The following RSRP1 variants were observed in gnomAD, a reference collection of about 807,000 sequenced individuals.
RSRP1 encodes arginine and serine rich protein 1, also known as arginine/serine-rich protein 1.
A neutral mutation model predicts 33.0 loss-of-function variants in RSRP1; 37 were observed. That is an observed-to-expected ratio of 1.12 (90% CI 0.86 to 1.48). The LOEUF is 1.48. Among genes scored for constraint, RSRP1 ranks in the 40% most tolerant of loss-of-function variants. The pLI is 0.00. For missense variants in RSRP1, 402 were observed against 385.3 expected (o/e 1.04, Z -0.36); for synonymous variants, 167 against 158.7 (o/e 1.05, Z -0.40).
chr1:25,315,105 GAGATCACGCCAC>G (rs1644368110), intron 1 of RSRP1, among the ~76,000 whole-genome samples: 1 of 128,692 alleles, frequency 7.8e-6, no homozygotes, highest in South Asian at 2.4e-4. Flanking sequence ...TCGGGAGGCT[GAGATCACGCCAC>G]TGCACTCCAG....
At chr1:25,260,392 G>T (rs1224788474) in intron 1 of RSRP1, among the ~76,000 whole-genome samples, 1 of 152,106 alleles carries the variant, frequency 6.6e-6, no homozygotes, top group Non-Finnish European at 1.5e-5. Context: ...GCACGAAAGA[G>T]AACCAATCTA....
chr1:25,263,449 C>T (rs1341638128), intron 1 of RSRP1, among the ~76,000 whole-genome samples: 1 of 151,832 alleles, frequency 6.6e-6, no homozygotes, highest in Non-Finnish European at 1.5e-5. Flanking sequence ...TCACGTCTTA[C>T]GTGGATGGCA....
At chr1:25,315,500 T>C (rs1271757711) in intron 1 of RSRP1, among the ~76,000 whole-genome samples, 1 of 121,732 alleles carries the variant, frequency 8.2e-6, no homozygotes, top group East Asian at 2.0e-4. Flanking sequence ...TTTCTTTCTT[T>C]CTTTTTTTTT....
At chr1:25,254,439 G>GTTTTGTTTTGTT (rs1292245705) in intron 1 of RSRP1, among the ~76,000 whole-genome samples, 1 of 151,742 alleles carries the variant, frequency 6.6e-6, no homozygotes, top group African/African-American at 2.4e-5. Context: ...ATAGGTTTTT[G>GTTTTGTTTTGTT]TTTTGTTTTG....
chr1:25,244,393 T>G, intron 3 of RSRP1: 1 of 1,289,392 alleles, frequency 7.8e-7, no homozygotes, highest in South Asian at 1.2e-5. Flanking sequence ...AACTAAGTTT[T>G]CAGTGTGTGA....
In RSRP1 at chr1:25,278,954, G is replaced by A. The variant is rs1641244061; in HGVS notation, c.-66-31925C>T. Among the ~76,000 whole-genome samples, 2 of 129,384 alleles carry A rather than the reference G, an allele frequency of 1.5e-5. 1 individual carries two copies. Among genetic ancestry groups the A allele is most frequent in the South Asian group, 4.8e-4 (2 of 4,182 alleles). 84.9% of individuals were successfully genotyped at this position (129,384 alleles called of 152,430 possible). A position where few individuals can be genotyped will look rare whatever the true frequency, so the allele number is the denominator to read the frequency against. ...GGCAGCAGTGGGAGCACAGGGTGGAGGTCAACCCTAGAGCCTGGGAGAGTG... is the reference window on the plus strand; with the variant it reads ...GGCAGCAGTGGGAGCACAGGGTGGAAGTCAACCCTAGAGCCTGGGAGAGTG... On this transcript the variant is annotated intron_variant, in intron 1 of 1. Coordinates refer to the RSRP1 transcript ENST00000561867.
chr1:25,291,952 C>T lies in RSRP1; in HGVS notation c.-66-44923G>A, dbSNP rs555007779. Among the ~76,000 whole-genome samples the T allele has an allele frequency of 3.0e-5, 4 of 132,310 alleles. 1 individual carries two copies. Among genetic ancestry groups the T allele is most frequent in the African/African-American group, 7.7e-5 (3 of 38,858 alleles). The allele number at this position is 132,310 out of a possible 152,430, so 86.8% of individuals were successfully genotyped here. A position where few individuals can be genotyped will look rare whatever the true frequency, so the allele number is the denominator to read the frequency against. On this transcript the variant is annotated intron_variant, in intron 1 of 1. Transcript: ENST00000561867. The stretch of plus-strand genomic sequence containing the variant: ...TAGCAAGATAGTGGCAGAACCCAAG[C>T]GAGAACCCACAGTTCCAGCCTGGCT...
At position 25,307,155 on chromosome 1, in the gene RSRP1, TC is replaced by T. The variant is rs1407887551; in HGVS notation, c.-67+30822del. On this transcript the variant is annotated intron_variant, in intron 1 of 1. Transcript: ENST00000561867. The stretch of plus-strand genomic sequence containing the variant: ...TGTAAATGGAGATAATGATACTATC[TC>T]CCCTCACAGGACTGTTGGGATGCTA... Among the ~76,000 whole-genome samples the T allele has an allele frequency of 5.3e-5, 7 of 132,106 alleles. 2 individuals carry two copies. Among genetic ancestry groups the T allele is most frequent in the African/African-American group, 1.8e-4 (7 of 38,382 alleles). The allele number at this position is 132,106 out of a possible 152,430, so 86.7% of individuals were successfully genotyped here.
At chr1:25,322,605 G>A (rs1177277653) in intron 1 of RSRP1, among the ~76,000 whole-genome samples, 4 of 130,932 alleles carry the variant, frequency 3.1e-5, no homozygotes, top group African/African-American at 1.0e-4. Context: ...CCTGGGAAGC[G>A]AAGTTTGCAG....
chr1:25,261,975 G>C (rs924988484), intron 1 of RSRP1, among the ~76,000 whole-genome samples: 3 of 152,100 alleles, frequency 2.0e-5, no homozygotes, highest in African/African-American at 7.2e-5. Context: ...GCCTCCCAAA[G>C]TGCTGGGATT....
At chr1:25,251,850 CCA>C (rs1418329099), upstream of RSRP1, among the ~76,000 whole-genome samples, 3 of 152,032 alleles carry the variant, frequency 2.0e-5, no homozygotes, top group South Asian at 2.1e-4. Flanking sequence ...GAGTGCCCTT[CCA>C]CAGTTTTCTT....
intron 1 of RSRP1, among the ~76,000 whole-genome samples, chr1:25,285,069 A>G (rs1378487171): frequency 1.5e-5 from 2 of 134,582 alleles, no homozygotes; most frequent in African/African-American, 5.2e-5. Flanking sequence ...AAGTTTATGG[A>G]AAACGTAAGA....
rs1459889097 is a variant in RSRP1 at position 25,246,710 on chromosome 1, C to A, written c.254G>T (p.Arg85Leu). 6.2e-7 allele frequency: 1 copy of A among 1,607,380 alleles called. No homozygotes were observed. The highest frequency in any genetic ancestry group is 8.5e-7 in the Non-Finnish European group (1 of 1,175,192). ...GTAACGGCGGCTGCGGGATCGCGAC[C>A]GGCTCCGCGAGTATGACCGCGAGTA... ...RRYSRSYSRS[R>L]SRSRSRRYRE... Residue 85 changes from arginine (R) to leucine (L), a missense_variant, in exon 2 of 5, where the codon CGG (arginine) becomes CTG (leucine). Coordinates refer to ENST00000243189, the MANE Select transcript of RSRP1 (RefSeq NM_020317.5).
At chr1:25,260,175 T>C (rs1264754952) in intron 1 of RSRP1, among the ~76,000 whole-genome samples, 1 of 152,246 alleles carries the variant, frequency 6.6e-6, no homozygotes, top group Non-Finnish European at 1.5e-5. Context: ...TATAGCTATA[T>C]GTATGGTTGC....
intron 4 of RSRP1, 38 bp from the exon 5 acceptor site, chr1:25,242,743 C>T: frequency 7.5e-7 from 1 of 1,334,958 alleles, no homozygotes; most frequent in Non-Finnish European, 1.1e-6. Flanking sequence ...CCCAAACATA[C>T]ATTGTACACT....
intron 1 of RSRP1, among the ~76,000 whole-genome samples, chr1:25,254,892 G>T (rs988685700): frequency 6.6e-6 from 1 of 152,192 alleles, no homozygotes; most frequent in African/African-American, 2.4e-5. Context: ...CGGAAGAACC[G>T]ATTGGTGCCT....
chr1:25,300,735 G>A (rs1296076578), intron 1 of RSRP1, among the ~76,000 whole-genome samples: 1 of 131,738 alleles, frequency 7.6e-6, no homozygotes, highest in Middle Eastern at 4.0e-3. Context: ...CGTGAACCTG[G>A]GAGGCAAATG....
At chr1:25,250,668 G>T (rs1639749476), upstream of RSRP1, among the ~76,000 whole-genome samples, 1 of 152,204 alleles carries the variant, frequency 6.6e-6, no homozygotes, top group African/African-American at 2.4e-5. Context: ...CTAATCTCAG[G>T]AGAGAGTCAA....
chr1:25,279,241 A>C lies in RSRP1; in HGVS notation c.-66-32212T>G, dbSNP rs1475852442. Among the ~76,000 whole-genome samples the C allele has an allele frequency of 1.6e-5, 2 of 127,520 alleles. 1 individual carries two copies. The highest frequency in any genetic ancestry group is 5.5e-5 in the African/African-American group (2 of 36,670). The allele number at this position is 127,520 out of a possible 152,430, so 83.7% of individuals were successfully genotyped here. The stretch of plus-strand genomic sequence containing the variant: ...CAGCGGCCGGCACGGGGTAACAGTT[A>C]CTAACACTCACTACGTACCCAATGC... On this transcript the variant is annotated intron_variant, in intron 1 of 1. Transcript: ENST00000561867.
Sources: gnomAD v4.1 joint callset for allele counts (sites outside exome capture counted in the v4.1 genomes callset) on GRCh38, gnomAD v4.1.1 for gene constraint, MANE v1.5 for transcripts, NCBI Gene and HGNC (gene_info 2026-07-23, HGNC 2026-07-21) for gene names.